Variants in PTPRD observed in about 807,000 individuals in gnomAD.
PTPRD encodes protein tyrosine phosphatase receptor type D, also known as receptor-type tyrosine-protein phosphatase delta.
A neutral mutation model predicts 214.5 loss-of-function variants in PTPRD; 34 were observed. The ratio of observed to expected loss-of-function variants is 0.16; its 90% CI spans 0.12 to 0.21. The LOEUF is 0.21. Among genes scored for constraint, PTPRD ranks in the 10% least tolerant of loss-of-function variants. The probability of loss-of-function intolerance (pLI) is 1.00; values close to 1 mark genes in which losing one functional copy is unlikely to be tolerated. For missense variants in PTPRD, 2,545 were observed against 2,398.7 expected, an observed-to-expected ratio of 1.06 and a Z score of -1.27; for synonymous variants, 1,128 against 845.7, an observed-to-expected ratio of 1.33 and a Z score of -5.79.
intron 5 of PTPRD, among the ~76,000 whole-genome samples, chr9:9,919,842 TG>T (rs1464932931): frequency 6.6e-6 from 1 of 152,200 alleles, no homozygotes; most frequent in Non-Finnish European, 1.5e-5. Flanking sequence ...TTTGAATTCA[TG>T]TCTTACTAAG....
chr9:8,362,602 C>T (rs910460048), intron 39 of PTPRD, among the ~76,000 whole-genome samples: 1 of 152,172 alleles, frequency 6.6e-6, no homozygotes, highest in Non-Finnish European at 1.5e-5. Flanking sequence ...GAATGACTGA[C>T]CACCTATAAA....
At chr9:9,781,893 C>A (rs1045972625) in intron 5 of PTPRD, among the ~76,000 whole-genome samples, 1 of 151,710 alleles carries the variant, frequency 6.6e-6, no homozygotes, top group Non-Finnish European at 1.5e-5. Flanking sequence ...CCCGAGTTCA[C>A]GCCATTCTCC....
chr9:8,641,460 T>TAC (rs2096574465), intron 12 of PTPRD, among the ~76,000 whole-genome samples: 1 of 148,624 alleles, frequency 6.7e-6, no homozygotes, highest in Admixed American at 6.6e-5. Context: ...GCAAAATGCA[T>TAC]TTGTGCTCAA....
chr9:8,979,641 C>T (rs1186648721), intron 11 of PTPRD, among the ~76,000 whole-genome samples: 2 of 152,050 alleles, frequency 1.3e-5, no homozygotes, highest in African/African-American at 4.8e-5. Context: ...AAAAGTTGCT[C>T]AACATCACTA....
At chr9:8,573,066 T>C (rs2091569034) in intron 14 of PTPRD, among the ~76,000 whole-genome samples, 1 of 152,018 alleles carries the variant, frequency 6.6e-6, no homozygotes, top group Admixed American at 6.6e-5. Context: ...TCTATCAAAT[T>C]GAATCCTCAA....
chr9:10,398,050 C>T (rs2154494348), intron 2 of PTPRD, among the ~76,000 whole-genome samples: 1 of 151,476 alleles, frequency 6.6e-6, no homozygotes, highest in East Asian at 2.0e-4. Flanking sequence ...ATTTTCTGGC[C>T]TTCCTCTGCT....
chr9:8,353,225 T>C (rs2075990188), intron 39 of PTPRD, among the ~76,000 whole-genome samples: 1 of 152,224 alleles, frequency 6.6e-6, no homozygotes, highest in Non-Finnish European at 1.5e-5. Context: ...TTTGTTTGAC[T>C]CCTGCAAGCT....
intron 4 of PTPRD, among the ~76,000 whole-genome samples, chr9:10,007,254 T>G (rs565856857): frequency 1.3e-5 from 2 of 152,152 alleles, no homozygotes; most frequent in African/African-American, 4.8e-5. Context: ...TTATTACTTT[T>G]ACTTTATCAT....
intron 4 of PTPRD, among the ~76,000 whole-genome samples, chr9:9,945,393 A>G (rs903607641): frequency 7.2e-5 from 11 of 152,178 alleles, no homozygotes; most frequent in African/African-American, 2.7e-4. Context: ...AAAGAAGACT[A>G]AAGCCTTGGG....
chr9:8,427,476 G>A (rs961808754), intron 35 of PTPRD, among the ~76,000 whole-genome samples: 1 of 152,082 alleles, frequency 6.6e-6, no homozygotes, highest in Non-Finnish European at 1.5e-5. Flanking sequence ...CCTGCTGTGT[G>A]CCGAGCGGTG....
At position 8,353,937 on chromosome 9, in the gene PTPRD, C is replaced by CATAT. The variant is rs59488682; in HGVS notation, c.4662-11963_4662-11960dup. Among the ~76,000 whole-genome samples, 418 of 61,296 alleles carry CATAT rather than the reference C, an allele frequency of 6.8e-3. 28 individuals carry two copies. Among genetic ancestry groups the CATAT allele is most frequent in the African/African-American group, 0.011 (158 of 14,786 alleles). The allele number at this position is 61,296 out of a possible 152,430, so 40.2% of individuals were successfully genotyped here. ...ATATATGTATATATATGTGTGTGTA[C>CATAT]ATATATATATATATATATATATATA... On this transcript the variant is annotated intron_variant, in intron 39 of 45. Coordinates refer to ENST00000381196, the MANE Select transcript of PTPRD (RefSeq NM_002839.4).
At chr9:10,480,239 A>G (rs556420650) in intron 2 of PTPRD, among the ~76,000 whole-genome samples, 1 of 152,330 alleles carries the variant, frequency 6.6e-6, no homozygotes, top group East Asian at 1.9e-4. Context: ...TTTTCAACAG[A>G]GAAGCACATA....
At chr9:8,778,065 A>G (rs190684987) in intron 11 of PTPRD, among the ~76,000 whole-genome samples, 3 of 152,322 alleles carry the variant, frequency 2.0e-5, no homozygotes, top group East Asian at 3.9e-4. Context: ...CTCTCAGATT[A>G]GAAACTACTG....
chr9:10,421,361 A>G lies in PTPRD; in HGVS notation c.-599-80344T>C, dbSNP rs115735745. On this transcript the variant is annotated intron_variant, in intron 2 of 45. Coordinates refer to ENST00000381196, the MANE Select transcript of PTPRD (RefSeq NM_002839.4). ...TTTCTACTGTAATATATTGACAGCAATGTTGGCAACATTAGATTAAATGGA... is the reference window on the plus strand; with the variant it reads ...TTTCTACTGTAATATATTGACAGCAGTGTTGGCAACATTAGATTAAATGGA... Among the ~76,000 whole-genome samples the G allele has an allele frequency of 7.8e-3, 1,188 of 152,054 alleles. 9 individuals are homozygous for G. The highest frequency in any genetic ancestry group is 0.027 in the African/African-American group (1,115 of 41,544).
At chr9:9,129,885 C>T (rs2099839992) in intron 10 of PTPRD, among the ~76,000 whole-genome samples, 1 of 152,132 alleles carries the variant, frequency 6.6e-6, no homozygotes, top group African/African-American at 2.4e-5. Context: ...TCAGTTTTTC[C>T]ACTTACCAGT....
chr9:10,454,154 T>G (rs1250097743), intron 2 of PTPRD, among the ~76,000 whole-genome samples: 1 of 151,650 alleles, frequency 6.6e-6, no homozygotes, highest in African/African-American at 2.4e-5. Context: ...CAACAGATTA[T>G]AGTTGATAAA....
intron 3 of PTPRD, among the ~76,000 whole-genome samples, chr9:10,337,287 G>C (rs144090088): frequency 1.1e-3 from 172 of 151,640 alleles, no homozygotes; most frequent in African/African-American, 3.8e-3. Flanking sequence ...CAAATAAAAT[G>C]TTAAAGGGTG....
At chr9:8,726,588 A>AAT (rs1162966341) in intron 12 of PTPRD, among the ~76,000 whole-genome samples, 12 of 9,686 alleles carry the variant, frequency 1.2e-3, no homozygotes, top group Non-Finnish European at 2.0e-3. Flanking sequence ...AAAAAAAAAA[A>AAT]ATATATATAT....
intron 10 of PTPRD, among the ~76,000 whole-genome samples, chr9:9,082,772 G>T (rs568389971): frequency 6.6e-6 from 1 of 152,042 alleles, no homozygotes; most frequent in African/African-American, 2.4e-5. Flanking sequence ...CAAACAGAGA[G>T]CCAAATCATG....
Sources: allele counts gnomAD v4.1 joint callset (sites outside exome capture counted in the v4.1 genomes callset), GRCh38; gene constraint gnomAD v4.1.1; transcripts MANE v1.5; gene names NCBI Gene and HGNC (gene_info 2026-07-23, HGNC 2026-07-21).